TMOD2: variants seen among roughly 807,000 people sequenced by gnomAD.
TMOD2 encodes the protein tropomodulin-2.
In TMOD2, 22 loss-of-function variants were observed where a neutral mutation model predicts 39.9. The ratio of observed to expected loss-of-function variants is 0.55; its 90% CI spans 0.39 to 0.79. The LOEUF (loss-of-function observed/expected upper bound fraction) is 0.79, where lower values mean the gene tolerates loss of function less well. Among genes scored for constraint, TMOD2 ranks in the 30% least tolerant of loss-of-function variants. The pLI is 0.00. For synonymous variants in TMOD2, 123 were observed against 146.1 expected, an observed-to-expected ratio of 0.84 and a Z score of 1.14; for missense variants, 386 against 413.3, an observed-to-expected ratio of 0.93 and a Z score of 0.57.
chr15:51,768,272 T>A lies in TMOD2; in HGVS notation c.137T>A (p.Leu46Gln). The change falls in exon 3 of 10, where the codon CTG (leucine) becomes CAG (glutamine). Residue 46 changes from leucine (L) to glutamine (Q), a missense_variant. Leu to Gln is a moderately radical substitution (Grantham distance 113). Coordinates refer to ENST00000249700, the MANE Select transcript of TMOD2 (RefSeq NM_014548.4). Reference protein sequence around the residue: ...LDDLDPESAMLPAGFRQKDQT... With the variant: ...LDDLDPESAMQPAGFRQKDQT... ...CCTCTTTCTTGTCAGAGTGCCATGC[T>A]GCCAGCTGGATTTCGACAGAAAGAC... 6.2e-7 allele frequency: 1 copy of A among 1,614,138 alleles called. No individual in the cohort carries two copies.
chr15:51,772,041 C>T (rs758838710), intron 3 of TMOD2, among the ~76,000 whole-genome samples: 4 of 152,180 alleles, frequency 2.6e-5, no homozygotes, highest in Non-Finnish European at 4.4e-5. Flanking sequence ...CTTATCCAGC[C>T]ATTTAACAAT....
intron 1 of TMOD2, among the ~76,000 whole-genome samples, chr15:51,753,237 G>T (rs914617899): frequency 6.6e-6 from 1 of 152,186 alleles, no homozygotes; most frequent in Non-Finnish European, 1.5e-5. Context: ...CAAAACCTTT[G>T]AGTGAAAGGT....
intron 2 of TMOD2, among the ~76,000 whole-genome samples, chr15:51,767,767 A>C (rs938762793): frequency 6.6e-6 from 1 of 152,228 alleles, no homozygotes; most frequent in Non-Finnish European, 1.5e-5. Flanking sequence ...AAAAATACAG[A>C]TATTCTGTTG....
At chr15:51,780,161 A>T (rs1229653776) in intron 5 of TMOD2, among the ~76,000 whole-genome samples, 1 of 152,216 alleles carries the variant, frequency 6.6e-6, no homozygotes, top group African/African-American at 2.4e-5. Context: ...CTATTTTTGT[A>T]GGTAAGACTT....
chr15:51,793,562 C>T (rs941739547), intron 7 of TMOD2, among the ~76,000 whole-genome samples: 2 of 152,208 alleles, frequency 1.3e-5, no homozygotes, highest in Admixed American at 6.5e-5. Flanking sequence ...TGTATTTCTA[C>T]TCTACTTCAA....
chr15:51,787,532 C>T (rs921211495), intron 7 of TMOD2, among the ~76,000 whole-genome samples: 4 of 152,246 alleles, frequency 2.6e-5, no homozygotes, highest in East Asian at 1.9e-4. Flanking sequence ...GCTCCGATAA[C>T]GGACAGACTG....
intron 5 of TMOD2, among the ~76,000 whole-genome samples, chr15:51,780,224 A>G (rs2055920182): frequency 6.6e-6 from 1 of 152,220 alleles, no homozygotes; most frequent in Non-Finnish European, 1.5e-5. Flanking sequence ...ATTGCAATAG[A>G]TAATGCCAAA....
Position 51,761,303 on chromosome 15 carries a change from G to GA in TMOD2, c.-69-5062dup, listed in dbSNP as rs1567234897. ...AGGAGGTGCTGACCGGCTGGACTCA[G>GA]AAAAAAAAGTGGGAGAGTCTGAAGC... is the stretch of plus-strand genomic sequence containing the variant. On this transcript the variant is annotated intron_variant, in intron 1 of 9. Coordinates refer to ENST00000249700, the MANE Select transcript of TMOD2 (RefSeq NM_014548.4). Among the ~76,000 whole-genome samples the GA allele has an allele frequency of 2.6e-5, 4 of 151,430 alleles. No individual in the cohort carries two copies. In the South Asian group the frequency reaches 6.2e-4, roughly 24 times the overall value.
intron 7 of TMOD2, among the ~76,000 whole-genome samples, chr15:51,790,393 C>T (rs1157118259): frequency 1.3e-5 from 2 of 152,112 alleles, no homozygotes; most frequent in African/African-American, 4.8e-5. Flanking sequence ...GAGTCCAGGA[C>T]CAGACCGATT....
At chr15:51,798,441 A>T in intron 8 of TMOD2, 101 bp downstream of exon 8, 7 of 1,372,532 alleles carry the variant, frequency 5.1e-6, no homozygotes, top group Non-Finnish European at 7.0e-6. Context: ...TCTGTGTGTG[A>T]CTCAATTTGA....
intron 1 of TMOD2, among the ~76,000 whole-genome samples, chr15:51,761,292 G>T (rs868342170): frequency 2.0e-5 from 3 of 152,152 alleles, no homozygotes; most frequent in Non-Finnish European, 4.4e-5. Flanking sequence ...GGTGCTGACC[G>T]GCTGGACTCA....
At chr15:51,763,359 T>A (rs2055794768) in intron 1 of TMOD2, among the ~76,000 whole-genome samples, 1 of 152,234 alleles carries the variant, frequency 6.6e-6, no homozygotes, top group Non-Finnish European at 1.5e-5. Flanking sequence ...TGTGCATACA[T>A]TAAAAGGGGA....
intron 7 of TMOD2, among the ~76,000 whole-genome samples, chr15:51,795,581 T>C (rs60510450): frequency 5.4e-4 from 10 of 18,646 alleles, no homozygotes; most frequent in African/African-American, 1.8e-3. Flanking sequence ...TTGCTTGCTT[T>C]CTTTCTTTCT....
rs1014518947 is a variant in TMOD2, at chr15:51,813,154, A to T, written c.*4700A>T. On this transcript the variant is annotated 3_prime_UTR_variant, in exon 10 of 10. Transcript: ENST00000249700. ...CAGGAGTTAAGAAGTCAAATTGCTG[A>T]CCGAGGTGGGGAAGGATGATGGAAA... is the stretch of plus-strand genomic sequence containing the variant. 5.3e-5 allele frequency: 8 copies of T among 152,196 alleles called. No homozygotes were observed. Among genetic ancestry groups the T allele is most frequent in the Non-Finnish European group, 8.8e-5 (6 of 68,034 alleles). 9.4% of individuals were successfully genotyped at this position (152,196 alleles called of 1,614,324 possible). A position where few individuals can be genotyped will look rare whatever the true frequency, so the allele number is the denominator to read the frequency against.
At chr15:51,792,524 A>C (rs952312547) in intron 7 of TMOD2, among the ~76,000 whole-genome samples, 2 of 152,202 alleles carry the variant, frequency 1.3e-5, no homozygotes, top group African/African-American at 2.4e-5. Flanking sequence ...ACATATACCC[A>C]AAGGATTATA....
At chr15:51,789,136 A>G (rs577689822) in intron 7 of TMOD2, among the ~76,000 whole-genome samples, 2 of 152,360 alleles carry the variant, frequency 1.3e-5, no homozygotes, top group Admixed American at 6.5e-5. Flanking sequence ...AAAGACACAC[A>G]TAGGCTCAAA....
chr15:51,783,904 T>C (rs553720546), intron 7 of TMOD2: 1 of 152,346 alleles, frequency 6.6e-6, no homozygotes, highest in African/African-American at 2.4e-5. Context: ...ACTATCATGA[T>C]TTTTATTCTT....
At chr15:51,766,732 C>CT in intron 2 of TMOD2, 165 bp downstream of exon 2, 1 of 656,400 alleles carries the variant, frequency 1.5e-6, no homozygotes, top group Non-Finnish European at 2.5e-6. Context: ...TAGAGAACCT[C>CT]ATAGCCACTA....
At chr15:51,769,423 G>C (rs1177466487) in intron 3 of TMOD2, among the ~76,000 whole-genome samples, 1 of 152,220 alleles carries the variant, frequency 6.6e-6, no homozygotes, top group Non-Finnish European at 1.5e-5. Flanking sequence ...TCTGTGCAGA[G>C]GCTTGTGGCC....
Sources: gnomAD v4.1 joint callset for allele counts (sites outside exome capture counted in the v4.1 genomes callset) on GRCh38, gnomAD v4.1.1 for gene constraint, MANE v1.5 for transcripts, NCBI Gene and HGNC (gene_info 2026-07-23, HGNC 2026-07-21) for gene names.